ZPBP: variants seen among roughly 807,000 people sequenced by gnomAD.
The protein encoded by ZPBP is zona pellucida-binding protein 1.
In ZPBP, 26 loss-of-function variants were observed where a neutral mutation model predicts 44.8. That is an observed-to-expected ratio of 0.58 (90% CI 0.43 to 0.81). The LOEUF (loss-of-function observed/expected upper bound fraction) is 0.81, where lower values mean the gene tolerates loss of function less well. ZPBP is among the 30% of genes least tolerant of loss of function. The pLI, the probability that ZPBP is intolerant of heterozygous loss-of-function variation, is 0.00. For synonymous variants in ZPBP, 174 were observed against 153.2 expected (o/e 1.14, Z -1.00); for missense variants, 409 against 434.0 (o/e 0.94, Z 0.51).
At chr7:49,924,154 T>C (rs1319846014) in intron 1 of ZPBP, among the ~76,000 whole-genome samples, 1 of 149,642 alleles carries the variant, frequency 6.7e-6, no homozygotes, top group African/African-American at 2.5e-5. Flanking sequence ...ATAATAATAA[T>C]AATAACAACG....
At chr7:49,922,713 A>G (rs1276029725) in intron 1 of ZPBP, among the ~76,000 whole-genome samples, 1 of 152,198 alleles carries the variant, frequency 6.6e-6, no homozygotes, top group African/African-American at 2.4e-5. Context: ...CTGGGTATAC[A>G]AAGGCGGGTA....
At chr7:49,985,803 G>C (rs1797248815) in intron 6 of ZPBP, among the ~76,000 whole-genome samples, 1 of 152,174 alleles carries the variant, frequency 6.6e-6, no homozygotes, top group African/African-American at 2.4e-5. Context: ...CAAGGGTCTT[G>C]TCTGCACATG....
chr7:50,017,939 G>A (rs958234133), intron 6 of ZPBP, among the ~76,000 whole-genome samples: 2 of 151,818 alleles, frequency 1.3e-5, no homozygotes, highest in Non-Finnish European at 2.9e-5. Flanking sequence ...ATGGTAACAT[G>A]GACAATATTC....
At chr7:50,073,741 T>A (rs1161473013) in intron 3 of ZPBP, among the ~76,000 whole-genome samples, 2 of 151,870 alleles carry the variant, frequency 1.3e-5, no homozygotes, top group African/African-American at 2.4e-5. Context: ...CAGGAGAGAG[T>A]GGCATGACAT....
intron 7 of ZPBP, among the ~76,000 whole-genome samples, chr7:49,981,661 A>ATGT (rs1796969405): frequency 1.8e-5 from 1 of 56,030 alleles, no homozygotes; most frequent in African/African-American, 1.0e-4. Flanking sequence ...TTGATATAAA[A>ATGT]TATATATTAT....
chr7:49,977,043 A>C lies in ZPBP; in HGVS notation c.961+6299T>G, dbSNP rs1047255912. Among the ~76,000 whole-genome samples the C allele has an allele frequency of 2.0e-5, 3 of 151,796 alleles. No homozygotes were observed. In the East Asian group the frequency reaches 5.8e-4, roughly 29 times the overall value. On this transcript the variant is annotated intron_variant, in intron 7 of 7. Coordinates refer to ENST00000046087, the MANE Select transcript of ZPBP (RefSeq NM_007009.3). ...CGTGAACCCAGGAGACGGAGCTTGC[A>C]GTGAGCCGAGATCCCGCCACTGCAC...
chr7:50,019,216 A>G (rs1798965073), intron 5 of ZPBP, among the ~76,000 whole-genome samples: 4 of 152,102 alleles, frequency 2.6e-5, no homozygotes, highest in Non-Finnish European at 4.4e-5. Flanking sequence ...TCTATAATTT[A>G]TCTACCAATC....
intron 4 of ZPBP, among the ~76,000 whole-genome samples, chr7:50,051,661 G>A (rs951162567): frequency 9.2e-5 from 14 of 152,116 alleles, no homozygotes; most frequent in Non-Finnish European, 2.1e-4. Context: ...CCTTTACAGG[G>A]ACATGGATGG....
At chr7:49,894,121 T>A (rs963921854) in intron 2 of ZPBP, among the ~76,000 whole-genome samples, 4 of 151,978 alleles carry the variant, frequency 2.6e-5, no homozygotes, top group African/African-American at 9.7e-5. Flanking sequence ...GGAGGAGATA[T>A]GACATAGACA....
At chr7:49,859,153 A>G (rs1047545967) in intron 2 of ZPBP, among the ~76,000 whole-genome samples, 2 of 152,222 alleles carry the variant, frequency 1.3e-5, no homozygotes, top group African/African-American at 4.8e-5. Context: ...CTTCAACGTT[A>G]CTCAGCAATA....
At chr7:49,854,184 C>T (rs527806986) in intron 2 of ZPBP, among the ~76,000 whole-genome samples, 4 of 152,048 alleles carry the variant, frequency 2.6e-5, no homozygotes, top group Non-Finnish European at 4.4e-5. Flanking sequence ...TACATGTGCA[C>T]GTGTCTTTAT....
chr7:50,072,206 T>C (rs73340153), intron 3 of ZPBP, among the ~76,000 whole-genome samples: 2,390 of 152,244 alleles, frequency 0.016, 73 homozygotes, highest in African/African-American at 0.054. Flanking sequence ...TTGGTGGTAG[T>C]TGGCAATAAT....
At chr7:50,075,663 C>T (rs775031181) in intron 3 of ZPBP, among the ~76,000 whole-genome samples, 9 of 151,708 alleles carry the variant, frequency 5.9e-5, no homozygotes, top group Non-Finnish European at 3.0e-5. Flanking sequence ...AAGAAATGGA[C>T]AAATTCCTAG....
intron 1 of ZPBP, among the ~76,000 whole-genome samples, chr7:49,903,471 T>A (rs1447165047): frequency 6.6e-6 from 1 of 152,220 alleles, no homozygotes; most frequent in African/African-American, 2.4e-5. Flanking sequence ...TGCTGAGTTT[T>A]AAAAGCCAAT....
chr7:49,928,489 C>T (rs913386212), intron 1 of ZPBP, among the ~76,000 whole-genome samples: 1 of 152,192 alleles, frequency 6.6e-6, no homozygotes, highest in African/African-American at 2.4e-5. Context: ...TTCTCTTCCC[C>T]ACTCTCCTTC....
chr7:49,947,340 G>C (rs1398783561), intron 7 of ZPBP, among the ~76,000 whole-genome samples: 2 of 151,998 alleles, frequency 1.3e-5, no homozygotes, highest in Non-Finnish European at 2.9e-5. Flanking sequence ...ATCCTCCCTG[G>C]GAAGGCCTTC....
chr7:49,892,977 C>T (rs1792209087), intron 2 of ZPBP, among the ~76,000 whole-genome samples: 1 of 152,146 alleles, frequency 6.6e-6, no homozygotes, highest in Non-Finnish European at 1.5e-5. Context: ...TTAATGAAGC[C>T]TGTCCCCAAT....
chr7:50,090,151 C>T (rs1167632846), intron 1 of ZPBP, among the ~76,000 whole-genome samples: 1 of 152,058 alleles, frequency 6.6e-6, no homozygotes, highest in Non-Finnish European at 1.5e-5. Context: ...TATTCGGTTA[C>T]ATAAATTCTT....
At chr7:49,865,263 G>C (rs1790829662) in intron 2 of ZPBP, among the ~76,000 whole-genome samples, 1 of 152,172 alleles carries the variant, frequency 6.6e-6, no homozygotes, top group Non-Finnish European at 1.5e-5. Flanking sequence ...TGATGAAAGA[G>C]TTGATCTCTG....
Sources: gnomAD v4.1 joint callset for allele counts (sites outside exome capture counted in the v4.1 genomes callset) on GRCh38, gnomAD v4.1.1 for gene constraint, MANE v1.5 for transcripts, NCBI Gene and HGNC (gene_info 2026-07-23, HGNC 2026-07-21) for gene names.